Variants in KRTAP10-10 observed in about 807,000 individuals in gnomAD.
The protein encoded by KRTAP10-10 is keratin associated protein 10-10, also known as keratin-associated protein 10-10.
For missense variants in KRTAP10-10, 324 were observed against 319.9 expected (o/e 1.01, Z -0.10); for synonymous variants, 139 against 137.6 (o/e 1.01, Z -0.07).
Position 44,637,562 on chromosome 21 carries a change from T to C in KRTAP10-10, c.145T>C (p.Ser49Pro). The change falls in exon 1 of 1, where the codon TCC becomes CCC. Residue 49 changes from serine (S) to proline (P), a missense_variant. By Grantham distance (74) the Ser-to-Pro change is moderately conservative (BLOSUM62 -1). Transcript: ENST00000380095. ...GGTCTGCACCCCAGTGAGCTGTGTG[T>C]CCAGCCCCTGCTGCCAGACGGCCTG... The part of the protein sequence containing the change: ...TLVCTPVSCV[S>P]SPCCQTACEP... 24 of 1,613,680 alleles carry C rather than the reference T, an allele frequency of 1.5e-5. No homozygotes were observed. The highest frequency in any genetic ancestry group is 1.9e-5 in the Non-Finnish European group (23 of 1,179,990).
In KRTAP10-10 at chr21:44,638,203, C is replaced by G; in HGVS notation, c.*30C>G. ...CCTGGATGTGATCCGGAGTCCCTTC[C>G]CACCAGGGGCTGACCTCCCAGCTGC... On this transcript the variant is annotated 3_prime_UTR_variant, in exon 1 of 1. Coordinates refer to ENST00000380095, the MANE Select transcript of KRTAP10-10 (RefSeq NM_181688.3). 6.3e-7 allele frequency: 1 copy of G among 1,578,304 alleles called. No homozygotes were observed. Among genetic ancestry groups the G allele is most frequent in the East Asian group, 2.2e-5 (1 of 44,454 alleles).
chr21:44,637,391 C>T lies in KRTAP10-10; in HGVS notation c.-27C>T, dbSNP rs782627294. 1.3e-6 allele frequency: 2 copies of T among 1,586,824 alleles called. No homozygotes were observed. Among genetic ancestry groups the T allele is most frequent in the Non-Finnish European group, 1.7e-6 (2 of 1,166,986 alleles). ...CACACTCACTCACTCACACACCTCCCCCAGCTCACCGCCTCCCCACTCCAG... is the reference window on the plus strand; with the variant it reads ...CACACTCACTCACTCACACACCTCCTCCAGCTCACCGCCTCCCCACTCCAG... On this transcript the variant is annotated 5_prime_UTR_variant, in exon 1 of 1. Transcript: ENST00000380095.
At position 44,637,891 on chromosome 21, in the gene KRTAP10-10, G is replaced by A. The variant is rs1983745558; in HGVS notation, c.474G>A (p.Val158=). The A allele has an allele frequency of 6.5e-7, 1 of 1,535,488 alleles. No homozygotes were observed. Among genetic ancestry groups the A allele is most frequent in the Non-Finnish European group, 8.9e-7 (1 of 1,127,822 alleles). The change falls in exon 1 of 1, where the codon GTG becomes GTA. Residue 158 remains valine (V), a synonymous_variant. Coordinates refer to ENST00000380095, the MANE Select transcript of KRTAP10-10 (RefSeq NM_181688.3). ...VPVCSKSVCY[V]PVCSGASTSC... ...TCTGCTCTAAGTCCGTCTGCTATGT[G>A]CCTGTGTGCTCTGGGGCTTCCACTT...
chr21:44,638,118 T>A lies in KRTAP10-10; in HGVS notation c.701T>A (p.Val234Glu). The change falls in exon 1 of 1, where the codon GTG becomes GAG. Residue 234 changes from valine (V) to glutamate (E), a missense_variant. Val to Glu is a moderately radical substitution (Grantham distance 121, BLOSUM62 -2). Coordinates refer to ENST00000380095, the MANE Select transcript of KRTAP10-10 (RefSeq NM_181688.3). ...ASCVSLLCRPVCSRPACYSLC... is the reference protein window; with the variant it reads ...ASCVSLLCRPECSRPACYSLC... Reference sequence around the variant, plus strand: ...TGTGTTTCCCTCCTCTGCCGCCCCGTGTGCTCCCGCCCTGCCTGCTACAGC... The same window carrying A: ...TGTGTTTCCCTCCTCTGCCGCCCCGAGTGCTCCCGCCCTGCCTGCTACAGC... The A allele has an allele frequency of 6.2e-7, 1 of 1,613,380 alleles. No individual in the cohort carries two copies. The highest frequency in any genetic ancestry group is 1.1e-5 in the South Asian group (1 of 90,978).
Position 44,638,082 on chromosome 21 carries a change from G to T in KRTAP10-10, c.665G>T (p.Arg222Leu). ...TCCTCCTGCCAGCCCAGCTGCTGCC[G>T]CACGGCCTCCTGTGTTTCCCTCCTC... ...SASSCQPSCCRTASCVSLLCR... is the reference protein window; with the variant it reads ...SASSCQPSCCLTASCVSLLCR... The change falls in exon 1 of 1, where the codon CGC becomes CTC. Residue 222 changes from arginine (R) to leucine (L), a missense_variant. Coordinates refer to ENST00000380095, the MANE Select transcript of KRTAP10-10 (RefSeq NM_181688.3). 3 of 1,613,464 alleles carry T rather than the reference G, an allele frequency of 1.9e-6. No individual in the cohort carries two copies. The highest frequency in any genetic ancestry group is 1.3e-5 in the African/African-American group (1 of 74,882).
In KRTAP10-10 at chr21:44,638,393, C is replaced by T; in HGVS notation, c.*220C>T. The T allele has an allele frequency of 2.5e-6, 1 of 395,310 alleles. No homozygotes were observed. Among genetic ancestry groups the T allele is most frequent in the South Asian group, 3.2e-5 (1 of 30,898 alleles). The allele number at this position is 395,310 out of a possible 1,614,324, so 24.5% of individuals were successfully genotyped here. A position where few individuals can be genotyped will look rare whatever the true frequency, so the allele number is the denominator to read the frequency against. ...TTCTGCAGAACTAACCCCCAGCAGG[C>T]CTGGTTCCACCCTGGGCAGCACCCC... On this transcript the variant is annotated 3_prime_UTR_variant, in exon 1 of 1. Coordinates refer to ENST00000380095, the MANE Select transcript of KRTAP10-10 (RefSeq NM_181688.3).
In KRTAP10-10 at chr21:44,637,570, C is replaced by T; in HGVS notation, c.153C>T (p.Pro51=). The change falls in exon 1 of 1, where the codon CCC becomes CCT. Residue 51 remains proline, a synonymous_variant. Transcript: ENST00000380095. ...VCTPVSCVSS[P]CCQTACEPSA... is the part of the protein sequence containing the mutation. ...CCCCAGTGAGCTGTGTGTCCAGCCC[C>T]TGCTGCCAGACGGCCTGTGAGCCCA... 1 of 1,613,884 alleles carries T rather than the reference C, an allele frequency of 6.2e-7. No individual in the cohort carries two copies. The highest frequency in any genetic ancestry group is 8.5e-7 in the Non-Finnish European group (1 of 1,180,014).
chr21:44,637,357 A>T lies in KRTAP10-10; in HGVS notation c.-61A>T. On this transcript the variant is annotated 5_prime_UTR_variant, in exon 1 of 1. Coordinates refer to ENST00000380095, the MANE Select transcript of KRTAP10-10 (RefSeq NM_181688.3). ...CAGCAGCTGACAGGCTCACACACAC[A>T]CTCACTCACACACTCACTCACTCAC... 1.3e-6 allele frequency: 2 copies of T among 1,562,694 alleles called. No homozygotes were observed. The highest frequency in any genetic ancestry group is 2.4e-5 in the South Asian group (2 of 81,644).
rs782180238 is a variant in KRTAP10-10, at chr21:44,638,104, C to G, written c.687C>G (p.Leu229=). The G allele has an allele frequency of 1.2e-6, 2 of 1,613,564 alleles. No individual in the cohort carries two copies. Among genetic ancestry groups the G allele is most frequent in the Non-Finnish European group, 8.5e-7 (1 of 1,179,808 alleles). Residue 229 remains leucine, a synonymous_variant, in exon 1 of 1, where the codon CTC becomes CTG. Coordinates refer to ENST00000380095, the MANE Select transcript of KRTAP10-10 (RefSeq NM_181688.3). ...GCCGCACGGCCTCCTGTGTTTCCCT[C>G]CTCTGCCGCCCCGTGTGCTCCCGCC... ...SCCRTASCVS[L]LCRPVCSRPA...
In KRTAP10-10 at chr21:44,637,742, T is replaced by C; in HGVS notation, c.325T>C (p.Cys109Arg). 3 of 1,337,532 alleles carry C rather than the reference T, an allele frequency of 2.2e-6. No individual in the cohort carries two copies. The highest frequency in any genetic ancestry group is 3.1e-6 in the Non-Finnish European group (3 of 978,110). 82.9% of individuals were successfully genotyped at this position (1,337,532 alleles called of 1,614,324 possible). The change falls in exon 1 of 1, where the codon TGT becomes CGT. Residue 109 changes from cysteine to arginine, a missense_variant. Coordinates refer to ENST00000380095, the MANE Select transcript of KRTAP10-10 (RefSeq NM_181688.3). ...TGTGCCCGTCTGCTGCGTGCCCGTC[T>C]GTAACAAGCCTGTGTGCTTCGTGCC... ...CCVPVCCVPV[C>R]NKPVCFVPTC... is the part of the protein sequence containing the mutation.
In KRTAP10-10 at chr21:44,638,451, A is replaced by T; in HGVS notation, c.*278A>T. 1 of 391,190 alleles carries T rather than the reference A, an allele frequency of 2.6e-6. No individual in the cohort carries two copies. 24.2% of individuals were successfully genotyped at this position (391,190 alleles called of 1,614,324 possible). A position where few individuals can be genotyped will look rare whatever the true frequency, so the allele number is the denominator to read the frequency against. On this transcript the variant is annotated 3_prime_UTR_variant, in exon 1 of 1. Coordinates refer to ENST00000380095, the MANE Select transcript of KRTAP10-10 (RefSeq NM_181688.3). ...TCTAATAAAGCCGCCTCTGTCTCAC[A>T]CCAACCTCTGTCCTGTCTGTGGACC...
At position 44,637,723 on chromosome 21, in the gene KRTAP10-10, C is replaced by T. The variant is rs78817801; in HGVS notation, c.306C>T (p.Pro102=). The T allele has an allele frequency of 6.0e-5, 74 of 1,242,706 alleles. No individual in the cohort carries two copies. Among genetic ancestry groups the T allele is most frequent in the East Asian group, 5.6e-4 (23 of 41,388 alleles). 77.0% of individuals were successfully genotyped at this position (1,242,706 alleles called of 1,614,324 possible). A position where few individuals can be genotyped will look rare whatever the true frequency, so the allele number is the denominator to read the frequency against. The change falls in exon 1 of 1, where the codon CCC becomes CCT. Residue 102 remains proline, a synonymous_variant. Transcript: ENST00000380095. ...GCTGTGTGCCTGTCTGCTGTGTGCCCGTCTGCTGCGTGCCCGTCTGTAACA... is the reference window on the plus strand; with the variant it reads ...GCTGTGTGCCTGTCTGCTGTGTGCCTGTCTGCTGCGTGCCCGTCTGTAACA... ...QACCVPVCCV[P]VCCVPVCNKP...
At position 44,638,096 on chromosome 21, in the gene KRTAP10-10, G is replaced by C; in HGVS notation, c.679G>C (p.Val227Leu). ...CAGCTGCTGCCGCACGGCCTCCTGTGTTTCCCTCCTCTGCCGCCCCGTGTG... is the reference window on the plus strand; with the variant it reads ...CAGCTGCTGCCGCACGGCCTCCTGTCTTTCCCTCCTCTGCCGCCCCGTGTG... ...QPSCCRTASC[V>L]SLLCRPVCSR... Residue 227 changes from valine to leucine, a missense_variant, in exon 1 of 1, where the codon GTT (valine) becomes CTT (leucine). Physicochemically the swap from Val to Leu is conservative, Grantham distance 32 (BLOSUM62 1). Coordinates refer to ENST00000380095, the MANE Select transcript of KRTAP10-10 (RefSeq NM_181688.3). 1 of 1,613,538 alleles carries C rather than the reference G, an allele frequency of 6.2e-7. No individual in the cohort carries two copies. The highest frequency in any genetic ancestry group is 2.2e-5 in the East Asian group (1 of 44,840).
rs1983796811 is a variant in KRTAP10-10, at chr21:44,638,280, G to A, written c.*107G>A. On this transcript the variant is annotated 3_prime_UTR_variant, in exon 1 of 1. Coordinates refer to ENST00000380095, the MANE Select transcript of KRTAP10-10 (RefSeq NM_181688.3). ...TTGACACCCTCAGAAGGTGGGGCAG[G>A]CTCTTTGTCTTGGGGACCAGGATGC... 5 of 1,446,388 alleles carry A rather than the reference G, an allele frequency of 3.5e-6. No individual in the cohort carries two copies. Among genetic ancestry groups the A allele is most frequent in the African/African-American group, 1.5e-5 (1 of 67,544 alleles). The allele number at this position is 1,446,388 out of a possible 1,614,324, so 89.6% of individuals were successfully genotyped here.
chr21:44,638,025 G>A lies in KRTAP10-10; in HGVS notation c.608G>A (p.Cys203Tyr). The change falls in exon 1 of 1, where the codon TGC becomes TAC. Residue 203 changes from cysteine to tyrosine, a missense_variant. Coordinates refer to ENST00000380095, the MANE Select transcript of KRTAP10-10 (RefSeq NM_181688.3). ...LCHPVCKSTC[C>Y]VPVPSCGASA... ...CACCCTGTGTGCAAGTCCACCTGCT[G>A]CGTGCCCGTCCCCTCCTGCGGTGCC... 3 of 1,613,368 alleles carry A rather than the reference G, an allele frequency of 1.9e-6. No individual in the cohort carries two copies. Among genetic ancestry groups the A allele is most frequent in the South Asian group, 1.1e-5 (1 of 90,992 alleles).
In KRTAP10-10 at chr21:44,638,185, G is replaced by A. The variant is rs782406448; in HGVS notation, c.*12G>A. 6.3e-7 allele frequency: 1 copy of A among 1,593,816 alleles called. No individual in the cohort carries two copies. The highest frequency in any genetic ancestry group is 2.2e-5 in the East Asian group (1 of 44,604). ...AGTCCAGCTGCTGACAGCCCTGGAT[G>A]TGATCCGGAGTCCCTTCCCACCAGG... On this transcript the variant is annotated 3_prime_UTR_variant, in exon 1 of 1. Transcript: ENST00000380095.
Position 44,638,070 on chromosome 21 carries a change from C to T in KRTAP10-10, c.653C>T (p.Pro218Leu). The T allele has an allele frequency of 6.2e-7, 1 of 1,613,238 alleles. No homozygotes were observed. Among genetic ancestry groups the T allele is most frequent in the Non-Finnish European group, 8.5e-7 (1 of 1,179,614 alleles). Residue 218 changes from proline (P) to leucine (L), a missense_variant, in exon 1 of 1, where the codon CCC (proline) becomes CTC (leucine). Pro to Leu is a moderately conservative substitution (Grantham distance 98). Transcript: ENST00000380095. ...SCGASASSCQPSCCRTASCVS... is the reference protein window; with the variant it reads ...SCGASASSCQLSCCRTASCVS... The stretch of plus-strand genomic sequence containing the variant: ...GGTGCCTCTGCCTCCTCCTGCCAGC[C>T]CAGCTGCTGCCGCACGGCCTCCTGT...
In KRTAP10-10 at chr21:44,637,431, C is replaced by T; in HGVS notation, c.14C>T (p.Thr5Ile). The change falls in exon 1 of 1, where the codon ACC becomes ATC. Residue 5 changes from threonine to isoleucine, a missense_variant. Physicochemically the swap from Thr to Ile is moderately conservative, Grantham distance 89. Transcript: ENST00000380095. Reference protein sequence around the residue: MAASTMSICSSACTD... With the variant: MAASIMSICSSACTD... ...CCCCACTCCAGCATGGCCGCCTCCACCATGTCCATCTGCTCCAGCGCCTGC... is the reference window on the plus strand; with the variant it reads ...CCCCACTCCAGCATGGCCGCCTCCATCATGTCCATCTGCTCCAGCGCCTGC... The T allele has an allele frequency of 6.2e-7, 1 of 1,607,842 alleles. No homozygotes were observed.
In KRTAP10-10 at chr21:44,637,363, T is replaced by TCACACACTCACACACACACTCACA. The variant is rs1170414529; in HGVS notation, c.-44_-43insACACACACTCACACACACACTCAC. 1 of 1,571,708 alleles carries TCACACACTCACACACACACTCACA rather than the reference T, an allele frequency of 6.4e-7. No individual in the cohort carries two copies. The highest frequency in any genetic ancestry group is 1.3e-5 in the African/African-American group (1 of 74,186). On this transcript the variant is annotated 5_prime_UTR_variant, in exon 1 of 1. Transcript: ENST00000380095. Reference sequence around the variant, plus strand: ...CTGACAGGCTCACACACACACTCACTCACACACTCACTCACTCACACACCT... The same window carrying TCACACACTCACACACACACTCACA: ...CTGACAGGCTCACACACACACTCACTCACACACTCACACACACACTCACACACACACTCACTCACTCACACACCT...
Sources: gnomAD v4.1 joint callset for allele counts on GRCh38, gnomAD v4.1.1 for gene constraint, MANE v1.5 for transcripts, NCBI Gene and HGNC (gene_info 2026-07-23, HGNC 2026-07-21) for gene names.